Variants in RASA1 observed in about 807,000 individuals in gnomAD.
RASA1 encodes RAS p21 protein activator 1, also known as ras GTPase-activating protein 1.
Under a neutral mutation model 132.2 loss-of-function variants are expected in RASA1, and 25 were observed. That is an observed-to-expected ratio of 0.19 (90% CI 0.14 to 0.26). The LOEUF is 0.26. Among genes scored for constraint, RASA1 ranks in the 10% least tolerant of loss-of-function variants. The pLI is 1.00. For synonymous variants in RASA1, 477 were observed against 449.9 expected, an observed-to-expected ratio of 1.06 and a Z score of -0.76; for missense variants, 964 against 1,299.2, an observed-to-expected ratio of 0.74 and a Z score of 3.97.
chr5:87,372,656 G>C (rs1333361734), intron 13 of RASA1, among the ~76,000 whole-genome samples: 1 of 152,094 alleles, frequency 6.6e-6, no homozygotes, highest in Non-Finnish European at 1.5e-5. Context: ...CCTATACTTT[G>C]AGATTTGTGG....
chr5:87,384,036 T>G (rs530543548), intron 21 of RASA1, among the ~76,000 whole-genome samples: 1 of 152,220 alleles, frequency 6.6e-6, no homozygotes, highest in East Asian at 1.9e-4. Flanking sequence ...TCTACCCCTA[T>G]TTGTGTCTCA....
chr5:87,368,111 C>T (rs904941305), intron 11 of RASA1, among the ~76,000 whole-genome samples: 1 of 151,850 alleles, frequency 6.6e-6, no homozygotes, highest in Non-Finnish European at 1.5e-5. Context: ...TGCCACATTC[C>T]TTTTTCTTCT....
chr5:87,327,314 C>G (rs774661547), intron 1 of RASA1, among the ~76,000 whole-genome samples: 1 of 152,082 alleles, frequency 6.6e-6, no homozygotes, highest in South Asian at 2.1e-4. Context: ...GTCTTTTAAC[C>G]GTTCTACTAT....
chr5:87,347,470 C>G (rs930143859), intron 7 of RASA1, among the ~76,000 whole-genome samples: 2 of 151,946 alleles, frequency 1.3e-5, no homozygotes, highest in African/African-American at 4.8e-5. Flanking sequence ...AGATTTCAGA[C>G]AAGTTTAAGC....
chr5:87,333,366 G>A (rs780610035), intron 4 of RASA1, 29 bp downstream of exon 4: 1 of 1,609,198 alleles, frequency 6.2e-7, no homozygotes, highest in Non-Finnish European at 8.5e-7. Flanking sequence ...TCATGTATAG[G>A]CATTTGAAAG....
At chr5:87,288,695 G>T (rs1300722991) in intron 1 of RASA1, among the ~76,000 whole-genome samples, 1 of 151,976 alleles carries the variant, frequency 6.6e-6, no homozygotes, top group Non-Finnish European at 1.5e-5. Context: ...GTTTTTATTG[G>T]ATATAGGCTT....
intron 13 of RASA1, among the ~76,000 whole-genome samples, chr5:87,373,048 A>AT (rs1380761644): frequency 1.3e-5 from 2 of 152,132 alleles, no homozygotes; most frequent in African/African-American, 4.8e-5. Context: ...ATCAGATTGG[A>AT]TTTTTGCTAA....
At chr5:87,375,150 T>C (rs1281425342) in intron 15 of RASA1, among the ~76,000 whole-genome samples, 1 of 152,192 alleles carries the variant, frequency 6.6e-6, no homozygotes, top group African/African-American at 2.4e-5. Context: ...AAGATTAAAA[T>C]ATTTAGCCAC....
intron 1 of RASA1, among the ~76,000 whole-genome samples, chr5:87,303,839 CTTTT>C (rs755878903): frequency 1.5e-5 from 2 of 130,320 alleles, no homozygotes. Flanking sequence ...TACTTCTTGT[CTTTT>C]TTTTTTTTTT....
At chr5:87,334,012 C>A in intron 4 of RASA1, among the ~76,000 whole-genome samples, 1 of 152,094 alleles carries the variant, frequency 6.6e-6, no homozygotes, top group East Asian at 1.9e-4. Context: ...TTTAGGACAG[C>A]AGTTCTGTAA....
At chr5:87,280,695 A>G (rs1378098609) in intron 1 of RASA1, among the ~76,000 whole-genome samples, 1 of 151,950 alleles carries the variant, frequency 6.6e-6, no homozygotes, top group Non-Finnish European at 1.5e-5. Flanking sequence ...TTCAAATTGG[A>G]TTTTTTTAAA....
Position 87,268,054 on chromosome 5 carries a change from T to A in RASA1, c.-398T>A, listed in dbSNP as rs2112221304. The A allele has an allele frequency of 4.9e-6, 2 of 410,908 alleles. No homozygotes were observed. The highest frequency in any genetic ancestry group is 3.5e-5 in the East Asian group (1 of 28,340). The allele number at this position is 410,908 out of a possible 1,614,324, so 25.5% of individuals were successfully genotyped here. On this transcript the variant is annotated 5_prime_UTR_variant, in exon 1 of 25. Coordinates refer to ENST00000274376, the MANE Select transcript of RASA1 (RefSeq NM_002890.3). The stretch of plus-strand genomic sequence containing the variant: ...TGGCTGCGGTGTGGGTGGCCGGAAC[T>A]GGGGTGGTGAAGAAGCGGTGGTGGC...
At chr5:87,352,642 G>T (rs536246020) in intron 8 of RASA1, among the ~76,000 whole-genome samples, 48 of 151,666 alleles carry the variant, frequency 3.2e-4, no homozygotes, top group Admixed American at 9.2e-4. Context: ...AATCCTACAT[G>T]TAAGATTAGC....
intron 1 of RASA1, among the ~76,000 whole-genome samples, chr5:87,276,727 T>C (rs1159413479): frequency 6.6e-6 from 1 of 152,190 alleles, no homozygotes; most frequent in African/African-American, 2.4e-5. Context: ...GAAATTTCAG[T>C]ATCATTCATT....
chr5:87,312,136 G>A (rs535357307), intron 1 of RASA1, among the ~76,000 whole-genome samples: 1 of 152,358 alleles, frequency 6.6e-6, no homozygotes, highest in South Asian at 2.1e-4. Context: ...GTAAATGATA[G>A]ACCAGTGGAT....
At chr5:87,346,755 T>C (rs755264319) in intron 7 of RASA1, 31 bp downstream of exon 7, 15 of 1,460,228 alleles carry the variant, frequency 1.0e-5, no homozygotes, top group Non-Finnish European at 1.4e-5. Context: ...TTTTCTAATG[T>C]CTATTTAAAG....
At chr5:87,337,157 A>G (rs1035272259) in intron 4 of RASA1, among the ~76,000 whole-genome samples, 1 of 152,106 alleles carries the variant, frequency 6.6e-6, no homozygotes, top group African/African-American at 2.4e-5. Flanking sequence ...ATTCAGATGC[A>G]TTCTTTTAAG....
intron 1 of RASA1, among the ~76,000 whole-genome samples, chr5:87,326,929 G>A (rs1044467061): frequency 1.3e-5 from 2 of 152,154 alleles, no homozygotes; most frequent in Middle Eastern, 3.2e-3. Flanking sequence ...AAACAAGACT[G>A]GAAAATAGGT....
rs762035553 is a variant in RASA1 at position 87,268,701 on chromosome 5, G to C, written c.250G>C (p.Ala84Pro). The change falls in exon 1 of 25, where the codon GCT (alanine) becomes CCT (proline). Residue 84 changes from alanine to proline, a missense_variant. Ala to Pro is a conservative substitution (Grantham distance 27). Around this residue, in one of 6 missense-constraint regions of RASA1, gnomAD observed 326 missense variants for 275.8 expected, o/e 1.18. Coordinates refer to ENST00000274376, the MANE Select transcript of RASA1 (RefSeq NM_002890.3). ...AGSVAGALGGAGLTGGGTAAG... is the reference protein window; with the variant it reads ...AGSVAGALGGPGLTGGGTAAG... ...GTCTGTGGCAGGGGCACTGGGGGGA[G>C]CTGGACTGACAGGGGGAGGTACTGC... is the stretch of plus-strand genomic sequence containing the variant. The C allele has an allele frequency of 9.9e-6, 16 of 1,611,790 alleles. No individual in the cohort carries two copies. Among genetic ancestry groups the C allele is most frequent in the Non-Finnish European group, 1.3e-5 (15 of 1,179,172 alleles).
Sources: gnomAD v4.1 joint callset for allele counts (sites outside exome capture counted in the v4.1 genomes callset) on GRCh38, gnomAD v4.1.1 for gene constraint, gnomAD v4.1.1 regional missense constraint, MANE v1.5 for transcripts, NCBI Gene and HGNC (gene_info 2026-07-23, HGNC 2026-07-21) for gene names.